Variants in PADI6 observed in about 807,000 individuals in gnomAD.
The protein encoded by PADI6 is peptidyl arginine deiminase 6.
In PADI6, 66 loss-of-function variants were observed where a neutral mutation model predicts 78.2. That is an observed-to-expected ratio of 0.84 (90% CI 0.69 to 1.04). The LOEUF is 1.04. PADI6 is among the 50% of genes least tolerant of loss of function. PADI6 has a pLI of 0.00. For synonymous variants in PADI6, 397 were observed against 346.9 expected, an observed-to-expected ratio of 1.14 and a Z score of -1.60; for missense variants, 854 against 866.1, an observed-to-expected ratio of 0.99 and a Z score of 0.18.
intron 2 of PADI6, among the ~76,000 whole-genome samples, chr1:17,374,258 T>TAC (rs746389298): frequency 3.3e-5 from 5 of 151,860 alleles, no homozygotes; most frequent in Non-Finnish European, 5.9e-5. Flanking sequence ...GAGGGGTAGG[T>TAC]ACACACACCC....
chr1:17,394,905 C>CTG lies in PADI6; in HGVS notation c.1338-45_1338-44dup, dbSNP rs1412709441. The CTG allele has an allele frequency of 5.2e-6, 8 of 1,524,920 alleles. No individual in the cohort carries two copies. The African/African-American group carries it at 1.1e-4, about 21-fold the overall frequency. The allele number at this position is 1,524,920 out of a possible 1,614,324, so 94.5% of individuals were successfully genotyped here. ...GACACCAAGTGGCGGGTGACCAGCC[C>CTG]TGGGCCACACTGGCTCAAGAGCTGT... On this transcript the variant is annotated intron_variant, in intron 11 of 15. Coordinates refer to ENST00000619609, the MANE Select transcript of PADI6 (RefSeq NM_207421.4).
chr1:17,384,889 T>C (rs1012585267), intron 6 of PADI6, among the ~76,000 whole-genome samples: 1 of 152,166 alleles, frequency 6.6e-6, no homozygotes, highest in Non-Finnish European at 1.5e-5. Context: ...GAAAGAATTC[T>C]CTCTCCGTAA....
chr1:17,397,254 G>A, intron 14 of PADI6, 113 bp downstream of exon 14: 2 of 1,128,486 alleles, frequency 1.8e-6, no homozygotes, highest in Non-Finnish European at 2.6e-6. Context: ...GCGGGGGGCA[G>A]CTGCCTGCCA....
At chr1:17,393,936 G>A in intron 9 of PADI6, 39 bp from the exon 10 acceptor site, 1 of 1,574,326 alleles carries the variant, frequency 6.4e-7, no homozygotes, top group Non-Finnish European at 8.7e-7. Flanking sequence ...CCGGGGAGAT[G>A]TGTGACTGGC....
chr1:17,390,728 G>A (rs2075173674), intron 8 of PADI6, among the ~76,000 whole-genome samples: 1 of 152,190 alleles, frequency 6.6e-6, no homozygotes, highest in African/African-American at 2.4e-5. Context: ...GGATGAGAAG[G>A]TAAAATCTCA....
At chr1:17,381,361 A>G (rs2075071431) in intron 5 of PADI6, among the ~76,000 whole-genome samples, 197 bp downstream of exon 5, 2 of 152,138 alleles carry the variant, frequency 1.3e-5, no homozygotes, top group Non-Finnish European at 2.9e-5. Flanking sequence ...AGCCCCATGC[A>G]AAGAGCATGG....
Position 17,398,783 on chromosome 1 carries a change from T to G in PADI6, c.1787T>G (p.Leu596Arg). 1 of 1,612,094 alleles carries G rather than the reference T, an allele frequency of 6.2e-7. No homozygotes were observed. The highest frequency in any genetic ancestry group is 8.5e-7 in the Non-Finnish European group (1 of 1,179,366). The change falls in exon 15 of 16, where the codon CTG (leucine) becomes CGG (arginine). Residue 596 changes from leucine to arginine, a missense_variant. Leu to Arg is a moderately radical substitution (Grantham distance 102). Transcript: ENST00000619609. ...EIPQLFCLEKLTNIPSDQQPK... is the reference protein window; with the variant it reads ...EIPQLFCLEKRTNIPSDQQPK... Reference sequence around the variant, plus strand: ...CCCCAGCTGTTCTGCTTGGAGAAGCTGACTAACATCCCCTCTGACCAGCAG... The same window carrying G: ...CCCCAGCTGTTCTGCTTGGAGAAGCGGACTAACATCCCCTCTGACCAGCAG...
intron 14 of PADI6, 93 bp from the exon 15 acceptor site, chr1:17,398,593 A>C (rs1570153491): frequency 1.3e-6 from 1 of 764,458 alleles, no homozygotes; most frequent in Non-Finnish European, 2.1e-6. Context: ...TCAGGCCATC[A>C]CCTACCTTCA....
intron 3 of PADI6, among the ~76,000 whole-genome samples, chr1:17,378,476 A>G (rs1207486822): frequency 6.6e-6 from 1 of 152,214 alleles, no homozygotes; most frequent in Non-Finnish European, 1.5e-5. Flanking sequence ...GCTGTGAACA[A>G]AAGACCACAC....
In PADI6 at chr1:17,397,113, G is replaced by GC. The variant is rs766500048; in HGVS notation, c.1663dup (p.Leu555ProfsTer6). ...ATCGACCAACTTCTGGCTGATGAAA[G>GC]CCTGAAGAAGCAGAATGAATACGTG... On this transcript the variant is annotated frameshift_variant, in exon 14 of 16. Coordinates refer to ENST00000619609, the MANE Select transcript of PADI6 (RefSeq NM_207421.4). LOFTEE classifies it high-confidence loss of function. 7 of 1,613,822 alleles carry GC rather than the reference G, an allele frequency of 4.3e-6. No homozygotes were observed. The highest frequency in any genetic ancestry group is 5.9e-6 in the Non-Finnish European group (7 of 1,179,876).
intron 8 of PADI6, among the ~76,000 whole-genome samples, chr1:17,389,307 G>A (rs148964239): frequency 6.6e-6 from 1 of 152,242 alleles, no homozygotes; most frequent in South Asian, 2.1e-4. Context: ...GAGGTAGCTG[G>A]GGCCATACCT....
At chr1:17,390,591 A>G (rs1049698654) in intron 8 of PADI6, among the ~76,000 whole-genome samples, 2 of 136,100 alleles carry the variant, frequency 1.5e-5, no homozygotes, top group African/African-American at 5.4e-5. Flanking sequence ...GTGACAGATA[A>G]GATTCCATCT....
rs771828240 is a variant in PADI6 at position 17,381,955 on chromosome 1, T to A, written c.554-12T>A. 16 of 1,613,666 alleles carry A rather than the reference T, an allele frequency of 9.9e-6. No homozygotes were observed. The highest frequency in any genetic ancestry group is 1.3e-5 in the Non-Finnish European group (15 of 1,179,660). ...CAGACATTCCTTAACCTTTGCTTTG[T>A]CTTTTGCCCAGAAATAACGAATCTG... On this transcript the variant is annotated splice_polypyrimidine_tract_variant and intron_variant, in intron 5 of 15. Coordinates refer to ENST00000619609, the MANE Select transcript of PADI6 (RefSeq NM_207421.4).
In PADI6 at chr1:17,395,121, T is replaced by G; in HGVS notation, c.1494+14T>G. ...GAGGGCAAAAAGGTCTGCTTTGGGG[T>G]CTGGAGAAGGGACATCTGACCCTTG... is the stretch of plus-strand genomic sequence containing the variant. On this transcript the variant is annotated intron_variant, in intron 12 of 15. Transcript: ENST00000619609. 6.2e-7 allele frequency: 1 copy of G among 1,609,028 alleles called. No individual in the cohort carries two copies. Among genetic ancestry groups the G allele is most frequent in the Non-Finnish European group, 8.5e-7 (1 of 1,176,890 alleles).
chr1:17,377,760 C>G (rs1447338098), intron 3 of PADI6, among the ~76,000 whole-genome samples: 2 of 152,232 alleles, frequency 1.3e-5, no homozygotes, highest in Admixed American at 6.5e-5. Flanking sequence ...CCCCCATCCT[C>G]TCACCTGGGT....
rs1225104089 is a variant in PADI6 at position 17,392,102 on chromosome 1, C to T, written c.963-12C>T. ...GAAAGCCTTCCCAGAACTGGCTTCT[C>T]TCCCATGGCAGGGAGCTGCAGCTGC... is the stretch of plus-strand genomic sequence containing the variant. On this transcript the variant is annotated splice_polypyrimidine_tract_variant and intron_variant, in intron 8 of 15. Coordinates refer to ENST00000619609, the MANE Select transcript of PADI6 (RefSeq NM_207421.4). The T allele has an allele frequency of 2.6e-6, 4 of 1,552,822 alleles. No homozygotes were observed. Among genetic ancestry groups the T allele is most frequent in the Non-Finnish European group, 3.5e-6 (4 of 1,147,708 alleles).
chr1:17,384,156 TAAAA>T (rs1220184008), intron 6 of PADI6, among the ~76,000 whole-genome samples: 1 of 151,684 alleles, frequency 6.6e-6, no homozygotes. Context: ...AAAAAAAACT[TAAAA>T]ATCAGGGTAG....
chr1:17,384,370 G>T (rs1045062399), intron 6 of PADI6, among the ~76,000 whole-genome samples: 2 of 152,192 alleles, frequency 1.3e-5, no homozygotes, highest in African/African-American at 4.8e-5. Flanking sequence ...AAGGCAGGAG[G>T]CTTACTTGGG....
At chr1:17,387,460 G>A (rs113796658) in intron 6 of PADI6, among the ~76,000 whole-genome samples, 65 of 143,236 alleles carry the variant, frequency 4.5e-4, no homozygotes, top group Admixed American at 3.4e-3. Context: ...AGAAAAGGAG[G>A]GGGGGGGGCC....
Sources: allele counts gnomAD v4.1 joint callset (sites outside exome capture counted in the v4.1 genomes callset), GRCh38; gene constraint gnomAD v4.1.1; transcripts MANE v1.5; gene names NCBI Gene and HGNC (gene_info 2026-07-23, HGNC 2026-07-21).